The following HK1 variants were observed in gnomAD, a reference collection of about 807,000 sequenced individuals.
The protein encoded by HK1 is hexokinase-1.
HK1 carries 28 observed loss-of-function variants against 91.6 expected under a neutral mutation model. The ratio of observed to expected loss-of-function variants is 0.31; its 90% confidence interval spans 0.23 to 0.42. HK1 has a LOEUF of 0.42. Among genes scored for constraint, HK1 ranks in the 10% least tolerant of loss-of-function variants. The pLI, the probability that HK1 is intolerant of heterozygous loss-of-function variation, is 1.00. For missense variants in HK1, 770 were observed against 1,219.8 expected (o/e 0.63, Z 5.49); for synonymous variants, 430 against 468.1 (o/e 0.92, Z 1.05).
At chr10:69,381,555 T>C (rs985232367) in intron 9 of HK1, among the ~76,000 whole-genome samples, 1 of 150,690 alleles carries the variant, frequency 6.6e-6, no homozygotes, top group South Asian at 2.1e-4. Context: ...CCTTTTTTTT[T>C]TTTTTTTTTT....
At chr10:69,364,388 G>A (rs1025736908) in intron 3 of HK1, among the ~76,000 whole-genome samples, 14 of 152,260 alleles carry the variant, frequency 9.2e-5, no homozygotes, top group African/African-American at 1.4e-4. Context: ...AGAGCGTGGC[G>A]TCGGGCGGGG....
At chr10:69,276,114 A>AAAAT (rs1844436582) in intron 1 of HK1, among the ~76,000 whole-genome samples, 7 of 40,586 alleles carry the variant, frequency 1.7e-4, no homozygotes, top group Non-Finnish European at 2.9e-4. Flanking sequence ...AAAAAAAAAA[A>AAAAT]AAAAATACAT....
intron 16 of HK1, among the ~76,000 whole-genome samples, chr10:69,396,249 C>T (rs113703033): frequency 0.026 from 3,403 of 132,016 alleles, 106 homozygotes; most frequent in African/African-American, 0.077. Context: ...CCATCCTGGG[C>T]GACAGAGACA....
intron 1 of HK1, among the ~76,000 whole-genome samples, chr10:69,328,765 T>A (rs1847526673): frequency 6.6e-6 from 1 of 152,088 alleles, no homozygotes; most frequent in South Asian, 2.1e-4. Flanking sequence ...TTCATCACCC[T>A]CCGAAAAAAA....
chr10:69,394,715 CTAGCAGG>C (rs1449621513), intron 15 of HK1, among the ~76,000 whole-genome samples: 1 of 152,206 alleles, frequency 6.6e-6, no homozygotes, highest in African/African-American at 2.4e-5. Context: ...GGAGACCAGT[CTAGCAGG>C]TAGACATGAA....
At chr10:69,337,809 A>T (rs1325761125) in intron 1 of HK1, among the ~76,000 whole-genome samples, 1 of 152,200 alleles carries the variant, frequency 6.6e-6, no homozygotes. Flanking sequence ...AGAGGGAGTG[A>T]AATTTTCCAT....
intron 3 of HK1, chr10:69,288,910 C>T: frequency 4.1e-6 from 3 of 736,766 alleles, no homozygotes; most frequent in Non-Finnish European, 4.7e-6. Context: ...CCTCAGCCTC[C>T]CAGTAGCTGG....
At chr10:69,274,755 A>C (rs1370100586) in intron 1 of HK1, among the ~76,000 whole-genome samples, 2 of 152,062 alleles carry the variant, frequency 1.3e-5, no homozygotes, top group African/African-American at 4.8e-5. Context: ...CTTAGCAAAA[A>C]TCCTATGGGG....
In HK1 at chr10:69,281,858, G is replaced by A. The variant is rs574207107; in HGVS notation, c.-390-671G>A. Among the ~76,000 whole-genome samples the A allele has an allele frequency of 2.6e-5, 4 of 152,290 alleles. No individual in the cohort carries two copies. The East Asian group carries it at 5.8e-4, about 22-fold the overall frequency. ...GGTGGCCTGGAATATCCATTAGAAC[G>A]TTGGCTGCCAAGTCTAGCCCAGCTC... On this transcript the variant is annotated intron_variant, in intron 1 of 21. Coordinates refer to the HK1 transcript ENST00000360289.
intron 2 of HK1, among the ~76,000 whole-genome samples, chr10:69,352,266 T>TACA (rs1363024190): frequency 1.3e-5 from 2 of 152,178 alleles, no homozygotes; most frequent in African/African-American, 4.8e-5. Flanking sequence ...GTTCTGGGAT[T>TACA]ACAAGCATGA....
intron 3 of HK1, among the ~76,000 whole-genome samples, chr10:69,293,854 T>TC (rs1564759261): frequency 2.3e-5 from 3 of 131,554 alleles, no homozygotes; most frequent in Non-Finnish European, 1.6e-5. Context: ...CATATTTCTT[T>TC]CTTTTTTTTT....
chr10:69,353,927 C>T (rs1849006425), intron 2 of HK1, among the ~76,000 whole-genome samples: 1 of 152,210 alleles, frequency 6.6e-6, no homozygotes, highest in African/African-American at 2.4e-5. Flanking sequence ...AGTGATCAGC[C>T]AGAAGCACAG....
At chr10:69,289,201 C>T (rs1318285956) in intron 3 of HK1, among the ~76,000 whole-genome samples, 3 of 152,148 alleles carry the variant, frequency 2.0e-5, no homozygotes, top group Admixed American at 6.6e-5. Flanking sequence ...AGCAGGAAAG[C>T]GTCATGAGGC....
intron 4 of HK1, among the ~76,000 whole-genome samples, chr10:69,366,073 C>A (rs1436561194): frequency 1.3e-5 from 2 of 152,066 alleles, no homozygotes; most frequent in African/African-American, 4.8e-5. Flanking sequence ...TTAGGTGATC[C>A]GCCTGCCTCG....
At chr10:69,399,882 C>T (rs1840310531) in intron 17 of HK1, among the ~76,000 whole-genome samples, 1 of 152,166 alleles carries the variant, frequency 6.6e-6, no homozygotes, top group Non-Finnish European at 1.5e-5. Context: ...TAAGCAACCT[C>T]ACCCGACTCA....
chr10:69,305,279 G>C (rs986701698), intron 5 of HK1, among the ~76,000 whole-genome samples: 1 of 152,174 alleles, frequency 6.6e-6, no homozygotes, highest in African/African-American at 2.4e-5. Flanking sequence ...TCTGGCCAGA[G>C]CTTGGTCACA....
chr10:69,309,024 C>T (rs989689903), intron 5 of HK1, among the ~76,000 whole-genome samples: 9 of 152,090 alleles, frequency 5.9e-5, no homozygotes, highest in Admixed American at 5.2e-4. Context: ...TAAAAAAGAT[C>T]CTGGTCTGGC....
In HK1 at chr10:69,377,010, C is replaced by T; in HGVS notation, c.952C>T (p.Leu318Phe). 1.2e-6 allele frequency: 2 copies of T among 1,614,120 alleles called. No homozygotes were observed. Among genetic ancestry groups the T allele is most frequent in the Non-Finnish European group, 1.7e-6 (2 of 1,180,022 alleles). Residue 318 changes from leucine to phenylalanine, a missense_variant, in exon 8 of 18, where the codon CTC (leucine) becomes TTC (phenylalanine). Leu to Phe is a conservative substitution (Grantham distance 22). Coordinates refer to ENST00000359426, the MANE Select transcript of HK1 (RefSeq NM_000188.3). ...CCTAGTCAAGATGGCCAAGGAGGGC[C>T]TCTTATTTGAAGGGCGGATCACCCC... The part of the protein sequence containing the change: ...LILVKMAKEG[L>F]LFEGRITPEL...
chr10:69,278,467 A>C (rs1393402405), intron 1 of HK1: 3 of 152,190 alleles, frequency 2.0e-5, no homozygotes, highest in African/African-American at 7.2e-5. Context: ...AGCTAAAGCT[A>C]TGTGGTCAGG....
Sources: gnomAD v4.1 joint callset for allele counts (sites outside exome capture counted in the v4.1 genomes callset) on GRCh38, gnomAD v4.1.1 for gene constraint, MANE v1.5 for transcripts, NCBI Gene and HGNC (gene_info 2026-07-23, HGNC 2026-07-21) for gene names.